The following EML5 variants were observed in gnomAD, a reference collection of about 807,000 sequenced individuals.
EML5 encodes echinoderm microtubule-associated protein-like 5.
EML5 carries 120 observed loss-of-function variants against 250.0 expected under a neutral mutation model. The ratio of observed to expected loss-of-function variants is 0.48; its 90% CI spans 0.41 to 0.56. EML5 has a LOEUF of 0.56. Ranked by LOEUF, EML5 falls within the 20% of genes least tolerant of loss-of-function variation. EML5 has a pLI of 0.00. For synonymous variants in EML5, 771 were observed against 806.5 expected, an observed-to-expected ratio of 0.96 and a Z score of 0.75; for missense variants, 2,006 against 2,437.6, an observed-to-expected ratio of 0.82 and a Z score of 3.73.
chr14:88,782,030 T>C (rs1371911968), intron 1 of EML5, among the ~76,000 whole-genome samples: 1 of 152,216 alleles, frequency 6.6e-6, no homozygotes, highest in Non-Finnish European at 1.5e-5. Flanking sequence ...AGTTTGGAAC[T>C]TCCTAAAGAC....
In EML5 at chr14:88,704,857, T is replaced by C. The variant is rs1010205604; in HGVS notation, c.2051+3A>G. On this transcript the variant is annotated splice_donor_region_variant and intron_variant, in intron 13 of 43. Transcript: ENST00000554922. ...AAATAAATGAAAGATAGTTGTTTTA[T>C]ACCCGTGAACAAAGTGTAATCGAAT... 2.5e-6 allele frequency: 4 copies of C among 1,604,802 alleles called. No individual in the cohort carries two copies. Among genetic ancestry groups the C allele is most frequent in the Admixed American group, 1.7e-5 (1 of 58,676 alleles).
At chr14:88,686,522 CAA>C (rs898831770) in intron 19 of EML5, among the ~76,000 whole-genome samples, 2 of 141,948 alleles carry the variant, frequency 1.4e-5, no homozygotes. Flanking sequence ...TCCTCCTCTT[CAA>C]AAAAAAAAAG....
intron 27 of EML5, among the ~76,000 whole-genome samples, chr14:88,657,175 T>C (rs1243529484): frequency 1.3e-5 from 2 of 152,116 alleles, no homozygotes; most frequent in Admixed American, 6.6e-5. Flanking sequence ...TATATTTCCA[T>C]AGAGACAAGG....
chr14:88,717,254 C>CAAGTTCTCT (rs1244459281), intron 8 of EML5, among the ~76,000 whole-genome samples: 21 of 152,306 alleles, frequency 1.4e-4, no homozygotes, highest in African/African-American at 4.8e-4. Context: ...TGTGAAAGAG[C>CAAGTTCTCT]TGATGGCAAG....
rs2140213936 is a variant in EML5 at position 88,615,489 on chromosome 14, C to T, written c.*329G>A. 3.9e-6 allele frequency: 1 copy of T among 256,302 alleles called. No individual in the cohort carries two copies. The highest frequency in any genetic ancestry group is 7.4e-6 in the Non-Finnish European group (1 of 135,914). The allele number at this position is 256,302 out of a possible 1,614,324, so 15.9% of individuals were successfully genotyped here. On this transcript the variant is annotated 3_prime_UTR_variant, in exon 44 of 44. Transcript: ENST00000554922. ...ATTATCCAAATTGGGTTTTTGAGTT[C>T]TTCTGTAAAGAGTGCTCTACCCTAA... is the stretch of plus-strand genomic sequence containing the variant.
At chr14:88,687,817 C>G (rs1250994620) in intron 18 of EML5, among the ~76,000 whole-genome samples, 1 of 151,808 alleles carries the variant, frequency 6.6e-6, no homozygotes. Flanking sequence ...ATGGCTCATG[C>G]CTGTAACACA....
intron 1 of EML5, among the ~76,000 whole-genome samples, chr14:88,791,055 C>T (rs950494894): frequency 6.6e-6 from 1 of 152,002 alleles, no homozygotes; most frequent in African/African-American, 2.4e-5. Flanking sequence ...AGAGCACCAC[C>T]TCATTCCTTA....
chr14:88,777,052 A>C (rs2094453874), intron 1 of EML5, among the ~76,000 whole-genome samples: 1 of 152,290 alleles, frequency 6.6e-6, no homozygotes, highest in South Asian at 2.1e-4. Flanking sequence ...GATATCCCCA[A>C]ACCTAGAGAA....
chr14:88,619,192 C>T (rs754355481), intron 39 of EML5: 19 of 156,672 alleles, frequency 1.2e-4, no homozygotes, highest in East Asian at 1.9e-4. Context: ...ATAGAGAAAC[C>T]CTGTCTCTAC....
chr14:88,696,227 C>T (rs2093075453), intron 15 of EML5, among the ~76,000 whole-genome samples: 1 of 151,696 alleles, frequency 6.6e-6, no homozygotes, highest in Non-Finnish European at 1.5e-5. Flanking sequence ...TCACTTCAGT[C>T]AGAGCAGCAA....
In EML5 at chr14:88,644,595, G is replaced by A. The variant is rs2091248326; in HGVS notation, c.4029-84C>T. 7.7e-6 allele frequency: 10 copies of A among 1,296,316 alleles called. No individual in the cohort carries two copies. The East Asian group carries it at 1.9e-4, about 24-fold the overall frequency. The allele number at this position is 1,296,316 out of a possible 1,614,324, so 80.3% of individuals were successfully genotyped here. On this transcript the variant is annotated intron_variant, in intron 29 of 43. Transcript: ENST00000554922. ...CTCTCACACCATCCCTCCCAGAGAG[G>A]TGTCTTGTCACACCTTCCCAAAGAT...
intron 24 of EML5, among the ~76,000 whole-genome samples, chr14:88,662,536 T>C (rs2092152712): frequency 1.5e-5 from 2 of 130,994 alleles, no homozygotes; most frequent in Admixed American, 9.2e-5. Context: ...TGCAAGTGAT[T>C]TATTCCTTTT....
At chr14:88,700,380 ATTTG>A (rs1222245249) in intron 14 of EML5, among the ~76,000 whole-genome samples, 3 of 152,050 alleles carry the variant, frequency 2.0e-5, no homozygotes, top group African/African-American at 7.2e-5. Context: ...TGCAACAATT[ATTTG>A]TTTTTTTTTC....
chr14:88,635,594 G>A (rs747121272), intron 32 of EML5, among the ~76,000 whole-genome samples: 4 of 152,308 alleles, frequency 2.6e-5, no homozygotes, highest in Non-Finnish European at 5.9e-5. Flanking sequence ...TTACCTTGAT[G>A]AGTACACTCC....
At chr14:88,743,041 T>A (rs2093947321) in intron 4 of EML5, among the ~76,000 whole-genome samples, 1 of 152,108 alleles carries the variant, frequency 6.6e-6, no homozygotes, top group South Asian at 2.1e-4. Context: ...ATATCACCAC[T>A]GACTTTACAG....
intron 29 of EML5, among the ~76,000 whole-genome samples, chr14:88,645,334 A>C (rs1152384): frequency 0.36 from 54,225 of 152,072 alleles, 11,409 homozygotes; most frequent in Middle Eastern, 0.48. Context: ...CCTTACTTTT[A>C]ATTTCTTTGG....
intron 8 of EML5, among the ~76,000 whole-genome samples, chr14:88,722,532 C>A (rs1217201323): frequency 1.3e-5 from 2 of 151,822 alleles, no homozygotes; most frequent in African/African-American, 4.8e-5. Context: ...GCAAACACCA[C>A]ATATTCTCGT....
chr14:88,763,549 A>G (rs1306109307), intron 1 of EML5, among the ~76,000 whole-genome samples: 1 of 152,136 alleles, frequency 6.6e-6, no homozygotes, highest in Non-Finnish European at 1.5e-5. Flanking sequence ...AGGACCAGAC[A>G]GATTCACAGC....
chr14:88,766,517 A>G (rs931024877), intron 1 of EML5, among the ~76,000 whole-genome samples: 1 of 152,110 alleles, frequency 6.6e-6, no homozygotes, highest in Non-Finnish European at 1.5e-5. Flanking sequence ...CCTGCCTAAT[A>G]AATTTTGGTC....
Sources: allele counts gnomAD v4.1 joint callset (sites outside exome capture counted in the v4.1 genomes callset), GRCh38; gene constraint gnomAD v4.1.1; transcripts MANE v1.5; gene names NCBI Gene and HGNC (gene_info 2026-07-23, HGNC 2026-07-21).